SDC2: variants seen among roughly 807,000 people sequenced by gnomAD.
The protein encoded by SDC2 is syndecan-2.
In SDC2, 13 loss-of-function variants were observed where a neutral mutation model predicts 22.2. The ratio of observed to expected loss-of-function variants is 0.59; its 90% CI spans 0.38 to 0.93. The LOEUF is 0.93. Among genes scored for constraint, SDC2 ranks in the 40% least tolerant of loss-of-function variants. The pLI is 0.00. For synonymous variants in SDC2, 94 were observed against 92.8 expected (o/e 1.01, Z -0.07); for missense variants, 235 against 246.8 (o/e 0.95, Z 0.32).
intron 1 of SDC2, among the ~76,000 whole-genome samples, chr8:96,549,818 T>A (rs1049910492): frequency 2.6e-5 from 4 of 152,240 alleles, no homozygotes; most frequent in African/African-American, 9.6e-5. Flanking sequence ...ACAAAAATTA[T>A]TTCCTAATTT....
At chr8:96,544,329 T>C (rs1813898336) in intron 1 of SDC2, among the ~76,000 whole-genome samples, 1 of 152,184 alleles carries the variant, frequency 6.6e-6, no homozygotes, top group African/African-American at 2.4e-5. Context: ...CAACTCTGCC[T>C]CAGTTGCCGT....
intron 1 of SDC2, among the ~76,000 whole-genome samples, chr8:96,517,733 A>G (rs928048770): frequency 2.8e-5 from 4 of 144,474 alleles, no homozygotes; most frequent in African/African-American, 8.1e-5. Flanking sequence ...TTGTATGTAT[A>G]TATGTGTGTG....
chr8:96,598,167 C>G (rs1046480694), intron 2 of SDC2, among the ~76,000 whole-genome samples: 7 of 152,274 alleles, frequency 4.6e-5, no homozygotes, highest in African/African-American at 1.7e-4. Context: ...AAGCCTCTTT[C>G]CGAAGGGCAC....
chr8:96,556,181 T>G (rs942531301), intron 1 of SDC2, among the ~76,000 whole-genome samples: 1 of 152,226 alleles, frequency 6.6e-6, no homozygotes, highest in Non-Finnish European at 1.5e-5. Context: ...CCCACCCTTA[T>G]ATTCCCCTCT....
intron 1 of SDC2, among the ~76,000 whole-genome samples, chr8:96,577,258 G>T (rs1318859089): frequency 6.6e-6 from 1 of 152,172 alleles, no homozygotes; most frequent in African/African-American, 2.4e-5. Context: ...AGAGAGATGA[G>T]GCAGCTAGGT....
intron 1 of SDC2, among the ~76,000 whole-genome samples, chr8:96,542,712 CG>C (rs201970618): frequency 0.011 from 1,650 of 151,572 alleles, 30 homozygotes; most frequent in African/African-American, 0.039. Flanking sequence ...GAATTCAGGG[CG>C]GGGGTAAGTC....
intron 1 of SDC2, among the ~76,000 whole-genome samples, chr8:96,546,350 C>T (rs1365503726): frequency 6.6e-6 from 1 of 152,150 alleles, no homozygotes; most frequent in Admixed American, 6.5e-5. Flanking sequence ...CATGCCCTTA[C>T]TTGGATTTAG....
In SDC2 at chr8:96,599,774, CTGCCATTTCT is replaced by C. The variant is rs1360138702; in HGVS notation, c.173-2619_173-2610del. ...AACCCTGTATTTATTCCAACATGCC[CTGCCATTTCT>C]TCTGTATAATAATGAATATATATGT... is the stretch of plus-strand genomic sequence containing the variant. On this transcript the variant is annotated intron_variant, in intron 2 of 4. Coordinates refer to ENST00000302190, the MANE Select transcript of SDC2 (RefSeq NM_002998.4). 8.5e-5 allele frequency among the ~76,000 whole-genome samples: 13 copies of C among 152,242 alleles called. No individual in the cohort carries two copies. In the East Asian group the frequency reaches 2.1e-3, roughly 25 times the overall value.
intron 1 of SDC2, among the ~76,000 whole-genome samples, chr8:96,527,523 C>T: frequency 6.6e-6 from 1 of 152,192 alleles, no homozygotes; most frequent in African/African-American, 2.4e-5. Flanking sequence ...ACTGCTGTGG[C>T]ACACAGAACC....
chr8:96,608,569 C>A, intron 4 of SDC2, 99 bp downstream of exon 4: 2 of 1,096,574 alleles, frequency 1.8e-6, no homozygotes, highest in Non-Finnish European at 2.6e-6. Flanking sequence ...TGTCATCTTT[C>A]TGCTGAAAGC....
intron 1 of SDC2, among the ~76,000 whole-genome samples, chr8:96,547,867 T>C (rs1190607573): frequency 6.6e-6 from 1 of 151,994 alleles, no homozygotes; most frequent in Non-Finnish European, 1.5e-5. Context: ...GCTCAAGTGA[T>C]CCTCCCACCT....
At chr8:96,595,118 A>G (rs1814850473) in intron 2 of SDC2, among the ~76,000 whole-genome samples, 1 of 152,180 alleles carries the variant, frequency 6.6e-6, no homozygotes, top group Non-Finnish European at 1.5e-5. Context: ...GGTCAGCAGC[A>G]TGGTAGGCAA....
At position 96,611,695 on chromosome 8, in the gene SDC2, T is replaced by A. The variant is rs1266524071; in HGVS notation, c.*2147T>A. The A allele has an allele frequency of 1.3e-5, 2 of 152,650 alleles. No individual in the cohort carries two copies. The highest frequency in any genetic ancestry group is 1.3e-4 in the Admixed American group (2 of 15,278). 9.5% of individuals were successfully genotyped at this position (152,650 alleles called of 1,614,324 possible). A position where few individuals can be genotyped will look rare whatever the true frequency, so the allele number is the denominator to read the frequency against. ...TCCGTGCCAGGAAAAGAAAAATTTCTGGCAAATATTTTGTCACTGCTGTAA... is the reference window on the plus strand; with the variant it reads ...TCCGTGCCAGGAAAAGAAAAATTTCAGGCAAATATTTTGTCACTGCTGTAA... On this transcript the variant is annotated 3_prime_UTR_variant, in exon 5 of 5. Coordinates refer to ENST00000302190, the MANE Select transcript of SDC2 (RefSeq NM_002998.4).
intron 1 of SDC2, among the ~76,000 whole-genome samples, chr8:96,531,450 A>C (rs1302214395): frequency 6.6e-6 from 1 of 152,214 alleles, no homozygotes; most frequent in Admixed American, 6.5e-5. Flanking sequence ...TTTAAACCCC[A>C]AATTCAAGTT....
intron 1 of SDC2, among the ~76,000 whole-genome samples, chr8:96,508,164 C>T (rs1430764359): frequency 1.3e-5 from 2 of 152,012 alleles, no homozygotes; most frequent in African/African-American, 2.4e-5. Context: ...GGCATGGGGG[C>T]GGGCGCCTGT....
chr8:96,605,757 G>A (rs1026093551), intron 3 of SDC2, among the ~76,000 whole-genome samples: 4 of 152,140 alleles, frequency 2.6e-5, no homozygotes, highest in East Asian at 1.9e-4. Flanking sequence ...GAAGTGTAGC[G>A]TTCTGCTCAC....
At chr8:96,585,389 T>G (rs1374139745) in intron 1 of SDC2, among the ~76,000 whole-genome samples, 1 of 152,216 alleles carries the variant, frequency 6.6e-6, no homozygotes, top group Non-Finnish European at 1.5e-5. Flanking sequence ...GATGATGGCT[T>G]GGAACACCTG....
At chr8:96,574,700 G>A (rs1244361541) in intron 1 of SDC2, among the ~76,000 whole-genome samples, 1 of 152,152 alleles carries the variant, frequency 6.6e-6, no homozygotes, top group Non-Finnish European at 1.5e-5. Context: ...TAAAGTGCTA[G>A]GCTTGTCTTA....
chr8:96,518,825 A>C (rs961654440), intron 1 of SDC2, among the ~76,000 whole-genome samples: 18 of 152,174 alleles, frequency 1.2e-4, no homozygotes, highest in Non-Finnish European at 2.4e-4. Context: ...TCACCTCCTA[A>C]GCTGTTAGTT....
Sources: allele counts gnomAD v4.1 joint callset (sites outside exome capture counted in the v4.1 genomes callset), GRCh38; gene constraint gnomAD v4.1.1; transcripts MANE v1.5; gene names NCBI Gene and HGNC (gene_info 2026-07-23, HGNC 2026-07-21).